SRGAP3: variants seen among roughly 807,000 people sequenced by gnomAD.
SRGAP3 encodes the protein SLIT-ROBO Rho GTPase-activating protein 3.
In SRGAP3, 39 loss-of-function variants were observed where a neutral mutation model predicts 121.1. That is an observed-to-expected ratio of 0.32 (90% CI 0.25 to 0.42). SRGAP3 has a LOEUF of 0.42. Among genes scored for constraint, SRGAP3 ranks in the 10% least tolerant of loss-of-function variants. The pLI is 1.00. For synonymous variants in SRGAP3, 601 were observed against 570.0 expected, an observed-to-expected ratio of 1.05 and a Z score of -0.77; for missense variants, 1,213 against 1,470.6, an observed-to-expected ratio of 0.82 and a Z score of 2.86.
At chr3:9,149,376 C>T (rs1575147329) in intron 1 of SRGAP3, among the ~76,000 whole-genome samples, 1 of 152,168 alleles carries the variant, frequency 6.6e-6, no homozygotes, top group African/African-American at 2.4e-5. Context: ...CTTTTGATGT[C>T]CCATGAGGCA....
intron 17 of SRGAP3, among the ~76,000 whole-genome samples, chr3:9,012,770 T>C (rs891090506): frequency 1.3e-5 from 2 of 152,202 alleles, no homozygotes; most frequent in African/African-American, 4.8e-5. Context: ...CTTACCAAGG[T>C]GATTACTTCA....
Position 8,994,281 on chromosome 3 carries a change from G to A in SRGAP3, c.2408+62C>T. 4 of 1,603,172 alleles carry A rather than the reference G, an allele frequency of 2.5e-6. No homozygotes were observed. In the South Asian group the frequency reaches 4.4e-5, roughly 18 times the overall value. On this transcript the variant is annotated intron_variant, in intron 19 of 21. Coordinates refer to ENST00000383836, the MANE Select transcript of SRGAP3 (RefSeq NM_014850.4). Reference sequence around the variant, plus strand: ...ATACAAGCTAGCACTCCCCTACGGTGCCCATCCCAGACATCACTAATCTAT... The same window carrying A: ...ATACAAGCTAGCACTCCCCTACGGTACCCATCCCAGACATCACTAATCTAT...
At chr3:9,313,812 G>C (rs1955294291) in intron 3 of SRGAP3, among the ~76,000 whole-genome samples, 1 of 151,616 alleles carries the variant, frequency 6.6e-6, no homozygotes, top group Non-Finnish European at 1.5e-5. Context: ...CTGGCCAATA[G>C]GGCGAAACCC....
At chr3:9,300,117 C>G (rs1015450220) in intron 3 of SRGAP3, among the ~76,000 whole-genome samples, 1 of 22,010 alleles carries the variant, frequency 4.5e-5, no homozygotes, top group Non-Finnish European at 9.8e-5. Context: ...GTCTGGCATA[C>G]GCTAAGTGCT....
In SRGAP3 at chr3:9,089,305, G is replaced by T. The variant is rs1386527660; in HGVS notation, c.424-9218C>A. 2.1e-5 allele frequency among the ~76,000 whole-genome samples: 2 copies of T among 97,410 alleles called. 1 individual carries two copies. The highest frequency in any genetic ancestry group is 4.6e-5 in the Non-Finnish European group (2 of 43,922). 63.9% of individuals were successfully genotyped at this position (97,410 alleles called of 152,430 possible). A position where few individuals can be genotyped will look rare whatever the true frequency, so the allele number is the denominator to read the frequency against. ...AAGTGGGGTGGGCGGGGGGGGGGGG[G>T]GGGCTGGAGGCTCAGAATGGCTGAG... On this transcript the variant is annotated intron_variant, in intron 3 of 21. Transcript: ENST00000383836.
rs1574939805 is a variant in SRGAP3, at chr3:9,249,298, C to T, written c.-347G>A. ...AAGCGCACTCACACACACATGCACA[C>T]GTACACACACTCACGCATGCACAGG... On this transcript the variant is annotated 5_prime_UTR_variant, in exon 1 of 22. In the 5' UTR this introduces an upstream ATG that the reference lacks. Coordinates refer to ENST00000383836, the MANE Select transcript of SRGAP3 (RefSeq NM_014850.4). 3 of 446,070 alleles carry T rather than the reference C, an allele frequency of 6.7e-6. No individual in the cohort carries two copies. Among genetic ancestry groups the T allele is most frequent in the South Asian group, 2.2e-5 (1 of 45,706 alleles). The allele number at this position is 446,070 out of a possible 1,614,324, so 27.6% of individuals were successfully genotyped here. A position where few individuals can be genotyped will look rare whatever the true frequency, so the allele number is the denominator to read the frequency against.
intron 15 of SRGAP3, chr3:9,014,052 G>T: frequency 1.6e-6 from 1 of 623,832 alleles, no homozygotes; most frequent in Non-Finnish European, 2.9e-6. Flanking sequence ...GCCTAATCAA[G>T]AACCAATCAG....
chr3:9,088,614 C>G (rs1171462163), intron 3 of SRGAP3, among the ~76,000 whole-genome samples: 2 of 152,114 alleles, frequency 1.3e-5, no homozygotes, highest in African/African-American at 4.8e-5. Flanking sequence ...CCAGGTGTTC[C>G]CTGGGGGATA....
intron 14 of SRGAP3, among the ~76,000 whole-genome samples, chr3:9,022,763 A>G (rs1430241501): frequency 6.6e-6 from 1 of 152,238 alleles, no homozygotes; most frequent in African/African-American, 2.4e-5. Flanking sequence ...GAGCAGAAGG[A>G]CCAGGCTGGC....
intron 18 of SRGAP3, among the ~76,000 whole-genome samples, chr3:9,009,321 T>C (rs1234100174): frequency 6.6e-6 from 1 of 152,152 alleles, no homozygotes; most frequent in Non-Finnish European, 1.5e-5. Flanking sequence ...GTAAGAGAAC[T>C]GCTAAGCCAT....
chr3:9,049,357 A>G (rs978948285), intron 9 of SRGAP3: 1 of 455,904 alleles, frequency 2.2e-6, no homozygotes, highest in East Asian at 6.9e-5. Flanking sequence ...CCTATTGGCC[A>G]TTAAGAGTCA....
chr3:9,209,381 C>A lies in SRGAP3; in HGVS notation c.67+39504G>T, dbSNP rs570225831. Among the ~76,000 whole-genome samples, 9 of 152,106 alleles carry A rather than the reference C, an allele frequency of 5.9e-5. No individual in the cohort carries two copies. In the South Asian group the frequency reaches 1.0e-3, roughly 17 times the overall value. ...ATAGGAAAAGATCAACAACCCAATACAAAATTAAGAAAAGGACTTACAAAT... is the reference window on the plus strand; with the variant it reads ...ATAGGAAAAGATCAACAACCCAATAAAAAATTAAGAAAAGGACTTACAAAT... On this transcript the variant is annotated intron_variant, in intron 1 of 21. Transcript: ENST00000383836.
chr3:8,987,472 G>A (rs553727675), intron 21 of SRGAP3, among the ~76,000 whole-genome samples: 14 of 152,324 alleles, frequency 9.2e-5, no homozygotes, highest in Admixed American at 7.2e-4. Flanking sequence ...TGGGGTTGGA[G>A]CCTGGAGATG....
chr3:9,308,342 T>C (rs1225414163), intron 3 of SRGAP3, among the ~76,000 whole-genome samples: 1 of 152,192 alleles, frequency 6.6e-6, no homozygotes, highest in Non-Finnish European at 1.5e-5. Flanking sequence ...ATATAACATT[T>C]ATAAAGCCAA....
chr3:9,029,553 C>T (rs2125082069), intron 12 of SRGAP3, among the ~76,000 whole-genome samples: 1 of 152,236 alleles, frequency 6.6e-6, no homozygotes, highest in African/African-American at 2.4e-5. Flanking sequence ...TGTGAAGTCC[C>T]AGTGATGTTA....
At chr3:9,047,360 C>T in intron 10 of SRGAP3, 31 bp downstream of exon 10, 1 of 1,611,602 alleles carries the variant, frequency 6.2e-7, no homozygotes, top group Non-Finnish European at 8.5e-7. Context: ...GAACGCAGCA[C>T]CTCCCAGAGG....
chr3:9,329,639 G>A (rs1465561933), intron 2 of SRGAP3, among the ~76,000 whole-genome samples: 1 of 152,206 alleles, frequency 6.6e-6, no homozygotes, highest in Non-Finnish European at 1.5e-5. Flanking sequence ...GCCTATGGCA[G>A]GGTGCGGAAG....
intron 3 of SRGAP3, among the ~76,000 whole-genome samples, chr3:9,090,576 T>G (rs1243171703): frequency 6.6e-6 from 1 of 152,206 alleles, no homozygotes; most frequent in African/African-American, 2.4e-5. Context: ...TAGGGAAAAC[T>G]CTCAAAAACC....
chr3:9,355,854 T>A (rs2030467881), intron 1 of SRGAP3: 1 of 152,242 alleles, frequency 6.6e-6, no homozygotes, highest in Admixed American at 6.5e-5. Flanking sequence ...GGTGAGGGCC[T>A]TCTTGCTATG....
Sources: gnomAD v4.1 joint callset for allele counts (sites outside exome capture counted in the v4.1 genomes callset) on GRCh38, gnomAD v4.1.1 for gene constraint, MANE v1.5 for transcripts, NCBI Gene and HGNC (gene_info 2026-07-23, HGNC 2026-07-21) for gene names.